KAZN: variants seen among roughly 807,000 people sequenced by gnomAD.
KAZN encodes the protein kazrin, periplakin interacting protein, also known as kazrin.
A neutral mutation model predicts 87.4 loss-of-function variants in KAZN; 40 were observed. The observed-to-expected ratio is 0.46, with a 90% confidence interval of 0.36 to 0.60. The LOEUF is 0.60. Ranked by LOEUF, KAZN falls within the 20% of genes least tolerant of loss-of-function variation. The pLI, the probability that KAZN is intolerant of heterozygous loss-of-function variation, is 0.00. For synonymous variants in KAZN, 466 were observed against 458.3 expected (o/e 1.02, Z -0.22); for missense variants, 898 against 1,073.9 (o/e 0.84, Z 2.29).
At chr1:14,038,337 G>A (rs1266271198) in intron 1 of KAZN, among the ~76,000 whole-genome samples, 7 of 152,260 alleles carry the variant, frequency 4.6e-5, no homozygotes, top group East Asian at 3.9e-4. Flanking sequence ...GGGATGATTC[G>A]GAGAGTGAAG....
rs181347866 is a variant in KAZN at position 14,262,217 on chromosome 1, G to A, written c.249+81625G>A. ...TTGCTTGAGCCCAGGAGTTTGAGAC[G>A]AGCCCTAGCAATATAACAAGACTCT... On this transcript the variant is annotated intron_variant, in intron 2 of 16. Coordinates refer to the KAZN transcript ENST00000636203. 8.4e-4 allele frequency among the ~76,000 whole-genome samples: 128 copies of A among 152,034 alleles called. 3 individuals carry two copies. The East Asian group carries it at 0.02, about 24-fold the overall frequency.
At chr1:14,918,552 TGTAGTC>T (rs755237880) in intron 1 of KAZN, among the ~76,000 whole-genome samples, 45 of 151,536 alleles carry the variant, frequency 3.0e-4, no homozygotes, top group Non-Finnish European at 4.9e-4. Context: ...AGCACATGCC[TGTAGTC>T]CCAGCTACTC....
intron 1 of KAZN, among the ~76,000 whole-genome samples, chr1:14,058,803 A>G (rs1329903210): frequency 6.6e-6 from 1 of 152,210 alleles, no homozygotes; most frequent in Non-Finnish European, 1.5e-5. Context: ...ATGATATTTA[A>G]GCTAATATTT....
chr1:14,135,278 T>C (rs1368853549), intron 1 of KAZN, among the ~76,000 whole-genome samples: 2 of 152,180 alleles, frequency 1.3e-5, no homozygotes, highest in African/African-American at 2.4e-5. Context: ...ACAAGCAGCA[T>C]ATAGTAAAAT....
intron 2 of KAZN, among the ~76,000 whole-genome samples, chr1:15,019,266 C>T (rs1670425610): frequency 1.3e-5 from 2 of 152,220 alleles, no homozygotes; most frequent in Non-Finnish European, 2.9e-5. Flanking sequence ...ACACCAGGGA[C>T]TGCCTACCTG....
chr1:14,192,859 G>A (rs1266637673), intron 2 of KAZN, among the ~76,000 whole-genome samples: 1 of 152,168 alleles, frequency 6.6e-6, no homozygotes, highest in Non-Finnish European at 1.5e-5. Flanking sequence ...ACCTAAGAAT[G>A]TGACATTATT....
chr1:14,248,735 C>T (rs565757194), intron 2 of KAZN, among the ~76,000 whole-genome samples: 2 of 152,346 alleles, frequency 1.3e-5, no homozygotes, highest in South Asian at 2.1e-4. Context: ...CTTTGACACT[C>T]TTCCCATGGA....
At chr1:14,994,023 C>T (rs531126351) in intron 2 of KAZN, among the ~76,000 whole-genome samples, 1 of 152,284 alleles carries the variant, frequency 6.6e-6, no homozygotes, top group Non-Finnish European at 1.5e-5. Flanking sequence ...TAGGCATGGT[C>T]GCCTTTCCTG....
chr1:14,548,548 A>G (rs1478669691), intron 2 of KAZN, among the ~76,000 whole-genome samples: 1 of 152,196 alleles, frequency 6.6e-6, no homozygotes, highest in African/African-American at 2.4e-5. Flanking sequence ...TCTCTAAACA[A>G]TATATAATTC....
At chr1:14,226,494 G>A (rs1647302317) in intron 2 of KAZN, among the ~76,000 whole-genome samples, 1 of 152,122 alleles carries the variant, frequency 6.6e-6, no homozygotes. Context: ...GCAGTTTGGA[G>A]GTTTCTCAGA....
chr1:14,218,723 T>C (rs1647022975), intron 2 of KAZN, among the ~76,000 whole-genome samples: 1 of 152,104 alleles, frequency 6.6e-6, no homozygotes, highest in Non-Finnish European at 1.5e-5. Context: ...TTTAAACTGG[T>C]AAATAATGAG....
chr1:14,926,237 A>C (rs1659156661), intron 1 of KAZN, among the ~76,000 whole-genome samples: 1 of 152,216 alleles, frequency 6.6e-6, no homozygotes, highest in Non-Finnish European at 1.5e-5. Context: ...AAGTGATCTG[A>C]GGCTGAGTGT....
chr1:14,696,000 A>G (rs986034065), intron 1 of KAZN, among the ~76,000 whole-genome samples: 1 of 152,240 alleles, frequency 6.6e-6, no homozygotes, highest in African/African-American at 2.4e-5. Flanking sequence ...ACAACATGTT[A>G]TATATAATTC....
chr1:14,440,662 T>G (rs1480995605), intron 2 of KAZN, among the ~76,000 whole-genome samples: 1 of 152,172 alleles, frequency 6.6e-6, no homozygotes, highest in Non-Finnish European at 1.5e-5. Context: ...ATAAGGCCCC[T>G]TGTTCAAACA....
intron 1 of KAZN, among the ~76,000 whole-genome samples, chr1:14,829,011 T>C (rs1388513422): frequency 6.6e-6 from 1 of 152,200 alleles, no homozygotes; most frequent in Admixed American, 6.5e-5. Flanking sequence ...CAAGAGAGGC[T>C]GAGAAAGCGA....
At chr1:14,864,780 G>A (rs1160200879) in intron 1 of KAZN, among the ~76,000 whole-genome samples, 4 of 152,070 alleles carry the variant, frequency 2.6e-5, no homozygotes, top group East Asian at 3.9e-4. Context: ...GATTGCTGGG[G>A]GCCTGTATCA....
intron 1 of KAZN, among the ~76,000 whole-genome samples, chr1:13,975,301 C>T (rs1363734412): frequency 6.6e-6 from 1 of 152,142 alleles, no homozygotes; most frequent in African/African-American, 2.4e-5. Context: ...GGCCACTGTT[C>T]AGAACACTTG....
chr1:15,008,402 T>G (rs1669247345), intron 2 of KAZN, among the ~76,000 whole-genome samples: 1 of 152,128 alleles, frequency 6.6e-6, no homozygotes, highest in Non-Finnish European at 1.5e-5. Flanking sequence ...CCAAGGCAAG[T>G]CATTTAACCC....
At position 14,786,934 on chromosome 1, in the gene KAZN, C is replaced by T. The variant is rs76364456; in HGVS notation, c.227-173750C>T. Among the ~76,000 whole-genome samples the T allele has an allele frequency of 8.5e-3, 1,288 of 152,314 alleles. 19 individuals carry two copies. Among genetic ancestry groups the T allele is most frequent in the African/African-American group, 0.03 (1,232 of 41,550 alleles). On this transcript the variant is annotated intron_variant, in intron 1 of 14. Transcript: ENST00000376030. ...GACCCATTTCTGAGCCAACGAACAGCATACATTTAGGGATAAGAGTCAACA... is the reference window on the plus strand; with the variant it reads ...GACCCATTTCTGAGCCAACGAACAGTATACATTTAGGGATAAGAGTCAACA...
Sources: gnomAD v4.1 joint callset for allele counts (sites outside exome capture counted in the v4.1 genomes callset) on GRCh38, gnomAD v4.1.1 for gene constraint, MANE v1.5 for transcripts, NCBI Gene and HGNC (gene_info 2026-07-23, HGNC 2026-07-21) for gene names.